Variants in PAX3 observed in about 807,000 individuals in gnomAD.
The protein encoded by PAX3 is paired box protein Pax-3.
PAX3 carries 14 observed loss-of-function variants against 51.6 expected under a neutral mutation model. The observed-to-expected ratio is 0.27, with a 90% CI of 0.18 to 0.42. The LOEUF is 0.42. Among genes scored for constraint, PAX3 ranks in the 10% least tolerant of loss-of-function variants. The pLI is 1.00. For missense variants in PAX3, 540 were observed against 642.8 expected, an observed-to-expected ratio of 0.84 and a Z score of 1.73; for synonymous variants, 280 against 253.4, an observed-to-expected ratio of 1.11 and a Z score of -1.00.
At position 222,298,955 on chromosome 2, in the gene PAX3, G is replaced by C. The variant is rs1015474419; in HGVS notation, c.-340C>G. ...CGAGCCGGGGAGCCTGGTGAGGCTGGAGCGCGGCCTGCCTGAGTCTCCTCC... is the reference window on the plus strand; with the variant it reads ...CGAGCCGGGGAGCCTGGTGAGGCTGCAGCGCGGCCTGCCTGAGTCTCCTCC... On this transcript the variant is annotated 5_prime_UTR_variant, in exon 1 of 9. Coordinates refer to ENST00000392070, the MANE Select transcript of PAX3 (RefSeq NM_181458.4). 16 of 465,318 alleles carry C rather than the reference G, an allele frequency of 3.4e-5. No homozygotes were observed. The highest frequency in any genetic ancestry group is 3.2e-4 in the South Asian group (14 of 43,422). The allele number at this position is 465,318 out of a possible 1,614,324, so 28.8% of individuals were successfully genotyped here.
chr2:222,266,234 G>A (rs1694051369), intron 4 of PAX3, among the ~76,000 whole-genome samples: 1 of 152,136 alleles, frequency 6.6e-6, no homozygotes, highest in Admixed American at 6.5e-5. Flanking sequence ...AGCACACTCA[G>A]GAATTCATAT....
At chr2:222,225,899 T>C (rs2106083426) in intron 5 of PAX3, among the ~76,000 whole-genome samples, 1 of 152,300 alleles carries the variant, frequency 6.6e-6, no homozygotes, top group South Asian at 2.1e-4. Context: ...TTTGTGTCTG[T>C]GAGTAAACAG....
chr2:222,259,603 T>C lies in PAX3; in HGVS notation c.587-27320A>G, dbSNP rs899953226. On this transcript the variant is annotated intron_variant, in intron 4 of 8. Coordinates refer to ENST00000392070, the MANE Select transcript of PAX3 (RefSeq NM_181458.4). ...TTCAAGTGTCCATATTTTTTAAACA[T>C]TTCAAAGCCAGAGTTGATACACAAT... Among the ~76,000 whole-genome samples, 7 of 152,230 alleles carry C rather than the reference T, an allele frequency of 4.6e-5. 1 individual carries two copies. Among genetic ancestry groups the C allele is most frequent in the African/African-American group, 1.7e-4 (7 of 41,468 alleles).
chr2:222,256,398 T>C (rs1693647325), intron 4 of PAX3, among the ~76,000 whole-genome samples: 1 of 151,994 alleles, frequency 6.6e-6, no homozygotes, highest in African/African-American at 2.4e-5. Flanking sequence ...CATCCCTCCC[T>C]CTCAGAGACC....
intron 4 of PAX3, among the ~76,000 whole-genome samples, chr2:222,260,573 T>G (rs1365634621): frequency 1.9e-3 from 146 of 77,124 alleles, no homozygotes; most frequent in African/African-American, 6.6e-3. Flanking sequence ...TTGTTTTTTT[T>G]TTTTGTTTTT....
In PAX3 at chr2:222,202,142, T is replaced by C. The variant is rs1287043631; in HGVS notation, c.1222A>G (p.Thr408Ala). The C allele has an allele frequency of 1.2e-6, 2 of 1,611,468 alleles. No individual in the cohort carries two copies. Among genetic ancestry groups the C allele is most frequent in the Non-Finnish European group, 1.7e-6 (2 of 1,178,706 alleles). ...NHGGVPHQPQ[T>A]DYALSPLTGG... The stretch of plus-strand genomic sequence containing the variant: ...GTGAGAGGGGAGAGCGCGTAATCAG[T>C]CTGGGGCTGATGAGGTACCCCACCG... The change falls in exon 8 of 9, where the codon ACT becomes GCT. Residue 408 changes from threonine to alanine, a missense_variant. By Grantham distance (58) the Thr-to-Ala change is moderately conservative. Coordinates refer to ENST00000392070, the MANE Select transcript of PAX3 (RefSeq NM_181458.4).
At chr2:222,257,585 C>A (rs1274970962) in intron 4 of PAX3, among the ~76,000 whole-genome samples, 2 of 152,198 alleles carry the variant, frequency 1.3e-5, no homozygotes, top group South Asian at 4.1e-4. Flanking sequence ...TTGAAAAAGT[C>A]ATCTAAATTG....
Position 222,298,932 on chromosome 2 carries a change from A to T in PAX3, c.-317T>A, listed in dbSNP as rs935560078. 1 of 484,014 alleles carries T rather than the reference A, an allele frequency of 2.1e-6. No homozygotes were observed. The highest frequency in any genetic ancestry group is 1.9e-5 in the African/African-American group (1 of 52,100). The allele number at this position is 484,014 out of a possible 1,614,324, so 30.0% of individuals were successfully genotyped here. A position where few individuals can be genotyped will look rare whatever the true frequency, so the allele number is the denominator to read the frequency against. On this transcript the variant is annotated 5_prime_UTR_variant, in exon 1 of 9. Coordinates refer to ENST00000392070, the MANE Select transcript of PAX3 (RefSeq NM_181458.4). ...AAAGGGGGCTCAGAGAGCCACGGCG[A>T]GCCGGGGAGCCTGGTGAGGCTGGAG...
intron 4 of PAX3, among the ~76,000 whole-genome samples, chr2:222,287,820 TG>T (rs1476600442): frequency 6.6e-6 from 1 of 152,180 alleles, no homozygotes; most frequent in Non-Finnish European, 1.5e-5. Flanking sequence ...AATTCTGCTC[TG>T]TATGTCAAGA....
intron 4 of PAX3, among the ~76,000 whole-genome samples, chr2:222,237,048 C>A (rs796808026): frequency 2.6e-5 from 4 of 152,222 alleles, no homozygotes; most frequent in African/African-American, 7.2e-5. Flanking sequence ...ATCTGGCTTA[C>A]CCATTAGTTT....
At chr2:222,231,991 G>A (rs1042574063) in intron 5 of PAX3, 87 bp downstream of exon 5, 39 of 1,241,624 alleles carry the variant, frequency 3.1e-5, no homozygotes, top group Admixed American at 6.8e-5. Flanking sequence ...CATTTTTGGG[G>A]GGGATTGACA....
chr2:222,290,777 G>A (rs2106190222), intron 4 of PAX3, among the ~76,000 whole-genome samples: 2 of 152,270 alleles, frequency 1.3e-5, no homozygotes, highest in Middle Eastern at 3.4e-3. Context: ...TGGAGGGGGA[G>A]AAGGAGGGGT....
intron 5 of PAX3, among the ~76,000 whole-genome samples, chr2:222,223,694 G>A (rs752626875): frequency 3.7e-4 from 57 of 152,300 alleles, no homozygotes; most frequent in South Asian, 8.3e-4. Flanking sequence ...CTAGACCAGC[G>A]ATGTACAGTG....
intron 4 of PAX3, among the ~76,000 whole-genome samples, chr2:222,251,326 T>G (rs970874450): frequency 6.6e-6 from 1 of 150,804 alleles, no homozygotes; most frequent in Non-Finnish European, 1.5e-5. Flanking sequence ...CATTGTTCAA[T>G]TCCCACCTAT....
intron 4 of PAX3, among the ~76,000 whole-genome samples, chr2:222,238,604 G>A (rs1304307418): frequency 6.6e-6 from 1 of 152,290 alleles, no homozygotes; most frequent in South Asian, 2.1e-4. Context: ...ATGGGAGGAG[G>A]TGGAGGGATC....
chr2:222,251,550 A>C (rs553318092), intron 4 of PAX3, among the ~76,000 whole-genome samples: 173 of 152,318 alleles, frequency 1.1e-3, no homozygotes, highest in African/African-American at 3.9e-3. Context: ...TGCTATTGTG[A>C]ATAGTGCCAC....
At chr2:222,271,067 C>T (rs1377828842) in intron 4 of PAX3, among the ~76,000 whole-genome samples, 2 of 152,154 alleles carry the variant, frequency 1.3e-5, no homozygotes, top group Admixed American at 1.3e-4. Flanking sequence ...CTGATGTGTT[C>T]GCGGTCACTA....
chr2:222,239,978 C>T (rs1463106931), intron 4 of PAX3, among the ~76,000 whole-genome samples: 2 of 152,114 alleles, frequency 1.3e-5, no homozygotes, highest in East Asian at 1.9e-4. Flanking sequence ...AGAAAAGTAA[C>T]GCTATTCCCC....
intron 4 of PAX3, among the ~76,000 whole-genome samples, chr2:222,286,823 TA>T (rs1694849218): frequency 6.6e-6 from 1 of 152,230 alleles, no homozygotes; most frequent in Non-Finnish European, 1.5e-5. Flanking sequence ...AAGAAGAAGA[TA>T]AGAATTTATA....
Sources: gnomAD v4.1 joint callset for allele counts (sites outside exome capture counted in the v4.1 genomes callset) on GRCh38, gnomAD v4.1.1 for gene constraint, MANE v1.5 for transcripts, NCBI Gene and HGNC (gene_info 2026-07-23, HGNC 2026-07-21) for gene names.